The following ZNF536 variants were observed in gnomAD, a reference collection of about 807,000 sequenced individuals.
The protein encoded by ZNF536 is zinc finger protein 536.
ZNF536 carries 13 observed loss-of-function variants against 84.5 expected under a neutral mutation model. The observed-to-expected ratio is 0.15, with a 90% CI of 0.10 to 0.24. The LOEUF is 0.24. Ranked by LOEUF, ZNF536 falls within the 10% of genes least tolerant of loss-of-function variation. ZNF536 has a pLI of 1.00. For missense variants in ZNF536, 1,536 were observed against 1,747.5 expected (o/e 0.88, Z 2.16); for synonymous variants, 811 against 742.5 (o/e 1.09, Z -1.50).
At chr19:30,528,645 T>A (rs561811858) in intron 2 of ZNF536, among the ~76,000 whole-genome samples, 1 of 152,250 alleles carries the variant, frequency 6.6e-6, no homozygotes, top group Admixed American at 6.5e-5. Flanking sequence ...TATTTTGTGA[T>A]TCTGTTGTCT....
At chr19:30,370,865 A>G (rs914655284), upstream of ZNF536, among the ~76,000 whole-genome samples, 8 of 152,188 alleles carry the variant, frequency 5.3e-5, no homozygotes, top group Non-Finnish European at 8.8e-5. Context: ...GTTTGCAAAA[A>G]CGTAATTGCT....
At chr19:30,248,784 T>C (rs1278650944) in intron 1 of ZNF536, among the ~76,000 whole-genome samples, 1 of 152,176 alleles carries the variant, frequency 6.6e-6, no homozygotes, top group Non-Finnish European at 1.5e-5. Context: ...GGAATGATTA[T>C]TTCTGATGCC....
chr19:30,492,532 G>A (rs1190053755), intron 2 of ZNF536, among the ~76,000 whole-genome samples: 1 of 152,128 alleles, frequency 6.6e-6, no homozygotes. Context: ...AGGTCAGATA[G>A]TATTTATTAT....
chr19:30,298,170 G>A (rs914534546), intron 2 of ZNF536, among the ~76,000 whole-genome samples: 12 of 152,096 alleles, frequency 7.9e-5, no homozygotes, highest in Non-Finnish European at 1.3e-4. Context: ...GAGCCACCTC[G>A]CCTGGCCTCA....
chr19:30,412,887 C>T (rs749158003), intron 1 of ZNF536, among the ~76,000 whole-genome samples: 11 of 151,680 alleles, frequency 7.3e-5, no homozygotes, highest in East Asian at 1.9e-4. Context: ...TGTAAATGTT[C>T]GTTATCCTTA....
At chr19:30,635,903 G>C (rs1352625426) in intron 1 of ZNF536, among the ~76,000 whole-genome samples, 1 of 152,218 alleles carries the variant, frequency 6.6e-6, no homozygotes, top group African/African-American at 2.4e-5. Context: ...GCCATGTGGC[G>C]CTTTCTGAGC....
chr19:30,367,567 G>A (rs1474239759), upstream of ZNF536, among the ~76,000 whole-genome samples: 1 of 152,186 alleles, frequency 6.6e-6, no homozygotes. Flanking sequence ...CGGGGAGCTG[G>A]AGCGATCCCT....
At chr19:30,638,115 C>T (rs1417517830) in intron 1 of ZNF536, among the ~76,000 whole-genome samples, 1 of 152,118 alleles carries the variant, frequency 6.6e-6, no homozygotes, top group Non-Finnish European at 1.5e-5. Context: ...GTTGTGTTGA[C>T]ACTGCTTCTG....
chr19:30,526,610 G>C (rs941472449), intron 2 of ZNF536, among the ~76,000 whole-genome samples: 2 of 143,660 alleles, frequency 1.4e-5, no homozygotes, highest in Non-Finnish European at 3.2e-5. Flanking sequence ...TGTAGTCCCA[G>C]CTACTTGGGA....
Position 30,534,995 on chromosome 19 carries a change from C to T in ZNF536, c.2319C>T (p.His773=), listed in dbSNP as rs1437105252. Residue 773 remains histidine (H), a synonymous_variant, in exon 3 of 5, where the codon CAC becomes CAT. Coordinates refer to ENST00000355537, the MANE Select transcript of ZNF536 (RefSeq NM_014717.3). ...SHHLKVHLRI[H]TGEKPYKCPH... ...ACCTTAAGGTGCACCTGAGGATACA[C>T]ACAGGTGAGAAGTCTGAGTGCATCC... The T allele has an allele frequency of 6.2e-7, 1 of 1,611,084 alleles. No individual in the cohort carries two copies. The highest frequency in any genetic ancestry group is 1.3e-5 in the African/African-American group (1 of 74,980).
chr19:30,472,904 G>A (rs150565479), intron 2 of ZNF536, among the ~76,000 whole-genome samples: 203 of 151,986 alleles, frequency 1.3e-3, no homozygotes, highest in African/African-American at 4.5e-3. Flanking sequence ...CAAGAATAAG[G>A]GTAGAGGCCG....
intron 1 of ZNF536, among the ~76,000 whole-genome samples, chr19:30,578,451 C>G (rs1466810399): frequency 1.3e-5 from 2 of 152,230 alleles, no homozygotes; most frequent in Non-Finnish European, 2.9e-5. Flanking sequence ...TCTTCCTGTT[C>G]CAGTTCTTTT....
At chr19:30,649,910 TAA>T (rs34573085) in intron 1 of ZNF536, among the ~76,000 whole-genome samples, 23 of 149,504 alleles carry the variant, frequency 1.5e-4, no homozygotes, top group Admixed American at 3.3e-4. Flanking sequence ...TAATCTTAAC[TAA>T]AAAAAAAAAC....
chr19:30,322,415 C>G (rs1341834169), intron 2 of ZNF536, among the ~76,000 whole-genome samples: 2 of 152,136 alleles, frequency 1.3e-5, no homozygotes, highest in Non-Finnish European at 2.9e-5. Context: ...GCTCAGAGGA[C>G]TCCACTGTGC....
intron 1 of ZNF536, among the ~76,000 whole-genome samples, chr19:30,567,246 C>T (rs377645545): frequency 2.6e-5 from 4 of 152,242 alleles, no homozygotes; most frequent in East Asian, 1.9e-4. Flanking sequence ...CACGATTCTG[C>T]GATTTGGCGA....
chr19:30,591,097 G>A (rs1225921632), intron 1 of ZNF536, among the ~76,000 whole-genome samples: 5 of 152,226 alleles, frequency 3.3e-5, no homozygotes, highest in African/African-American at 4.8e-5. Flanking sequence ...GGATGATGAA[G>A]ACAAATGCCA....
intron 2 of ZNF536, among the ~76,000 whole-genome samples, chr19:30,499,579 A>AT (rs2145276865): frequency 6.6e-6 from 1 of 152,368 alleles, no homozygotes; most frequent in African/African-American, 2.4e-5. Context: ...TAATTTTAAA[A>AT]TAATATGACT....
chr19:30,565,290 A>G (rs755035616), intron 1 of ZNF536, among the ~76,000 whole-genome samples: 5 of 152,126 alleles, frequency 3.3e-5, no homozygotes, highest in African/African-American at 1.2e-4. Flanking sequence ...AGCTGAGTGA[A>G]TGACGGCTCC....
intron 2 of ZNF536, among the ~76,000 whole-genome samples, chr19:30,453,659 T>C (rs963331709): frequency 6.6e-6 from 1 of 152,216 alleles, no homozygotes; most frequent in Admixed American, 6.5e-5. Context: ...ATCCTTTCCC[T>C]GAGCCACATC....
Sources: gnomAD v4.1 joint callset for allele counts (sites outside exome capture counted in the v4.1 genomes callset) on GRCh38, gnomAD v4.1.1 for gene constraint, MANE v1.5 for transcripts, NCBI Gene and HGNC (gene_info 2026-07-23, HGNC 2026-07-21) for gene names.